SLC7A8: variants seen among roughly 807,000 people sequenced by gnomAD.
The protein encoded by SLC7A8 is solute carrier family 7 member 8.
A neutral mutation model predicts 51.2 loss-of-function variants in SLC7A8; 30 were observed. The observed-to-expected ratio is 0.59, with a 90% CI of 0.44 to 0.80. SLC7A8 has a LOEUF of 0.80. Ranked by LOEUF, SLC7A8 falls within the 30% of genes least tolerant of loss-of-function variation. The pLI, the probability that SLC7A8 is intolerant of heterozygous loss-of-function variation, is 0.00. For synonymous variants in SLC7A8, 257 were observed against 275.8 expected (o/e 0.93, Z 0.67); for missense variants, 612 against 674.4 (o/e 0.91, Z 1.03).
chr14:23,155,276 AGCTGTGAGG>A lies in SLC7A8; in HGVS notation c.508+10000_508+10008del, dbSNP rs558308683. The A allele has an allele frequency of 1.1e-4, 163 of 1,536,140 alleles. No individual in the cohort carries two copies. The African/African-American group carries it at 2.1e-3, about 20-fold the overall frequency. ...CCAGCAGAGGAGGAGGGTGCAGAGA[AGCTGTGAGG>A]GCTGTGAGTGCTCCTGGAGGCACAC... is the stretch of plus-strand genomic sequence containing the variant. On this transcript the variant is annotated intron_variant, in intron 3 of 10. Transcript: ENST00000316902.
chr14:23,178,723 G>A (rs1427957457), intron 1 of SLC7A8, among the ~76,000 whole-genome samples: 1 of 151,018 alleles, frequency 6.6e-6, no homozygotes, highest in Non-Finnish European at 1.5e-5. Context: ...AAGATAGCCT[G>A]GGCAACATAG....
chr14:23,157,363 A>C (rs1422304454), intron 3 of SLC7A8, among the ~76,000 whole-genome samples: 1 of 152,164 alleles, frequency 6.6e-6, no homozygotes, highest in African/African-American at 2.4e-5. Context: ...CTGAATTGTA[A>C]TCATCTTTTC....
At position 23,172,717 on chromosome 14, in the gene SLC7A8, A is replaced by G. The variant is rs556056699; in HGVS notation, c.152-6177T>C. 8.5e-5 allele frequency among the ~76,000 whole-genome samples: 13 copies of G among 152,336 alleles called. No homozygotes were observed. The East Asian group carries it at 9.6e-4, about 11-fold the overall frequency. The stretch of plus-strand genomic sequence containing the variant: ...TCTGGAGACACTTTTGGTTGTCACA[A>G]TGAGGGTGGGAGAGCTACCAGCACC... On this transcript the variant is annotated intron_variant, in intron 1 of 10. Transcript: ENST00000316902.
chr14:23,180,006 A>C (rs1877094142), intron 1 of SLC7A8, among the ~76,000 whole-genome samples: 1 of 151,594 alleles, frequency 6.6e-6, no homozygotes, highest in African/African-American at 2.4e-5. Context: ...TCTGGGTTCA[A>C]GCAATTCTCC....
chr14:23,177,820 C>T (rs1876990008), intron 1 of SLC7A8, among the ~76,000 whole-genome samples: 1 of 152,216 alleles, frequency 6.6e-6, no homozygotes, highest in African/African-American at 2.4e-5. Context: ...GACAGCCCAG[C>T]TCCCCTGCTA....
At chr14:23,136,161 T>C (rs1013896545) in intron 7 of SLC7A8, among the ~76,000 whole-genome samples, 1 of 152,150 alleles carries the variant, frequency 6.6e-6, no homozygotes, top group Non-Finnish European at 1.5e-5. Context: ...TAATCAGAAG[T>C]GTGGGAGCTG....
At position 23,179,518 on chromosome 14, in the gene SLC7A8, A is replaced by G. The variant is rs117035816; in HGVS notation, c.151+3246T>C. 7.8e-4 allele frequency among the ~76,000 whole-genome samples: 118 copies of G among 152,070 alleles called. 5 individuals carry two copies. In the East Asian group the frequency reaches 0.019, roughly 24 times the overall value. On this transcript the variant is annotated intron_variant, in intron 1 of 10. Coordinates refer to ENST00000316902, the MANE Select transcript of SLC7A8 (RefSeq NM_012244.4). Reference sequence around the variant, plus strand: ...TGCCACAGTCCCTGAAAAAAAAAAAAAGATCTGGGGGCCGGGCACGGTGGC... The same window carrying G: ...TGCCACAGTCCCTGAAAAAAAAAAAGAGATCTGGGGGCCGGGCACGGTGGC...
chr14:23,152,730 C>T (rs1055027726), intron 3 of SLC7A8, among the ~76,000 whole-genome samples: 1 of 152,150 alleles, frequency 6.6e-6, no homozygotes, highest in African/African-American at 2.4e-5. Context: ...TTCAGGTGCT[C>T]CCTTGCTTTG....
At chr14:23,132,195 G>T (rs1207243488) in intron 7 of SLC7A8, among the ~76,000 whole-genome samples, 1 of 151,762 alleles carries the variant, frequency 6.6e-6, no homozygotes, top group African/African-American at 2.4e-5. Context: ...GTAGAGACGG[G>T]GTTTCACCAT....
rs572808027 is a variant in SLC7A8 at position 23,170,655 on chromosome 14, C to T, written c.152-4115G>A. ...TGTATTATTAGTAAAGATGGGGTTT[C>T]ACCATGTTGGCCAGGCTGGTCTCGA... On this transcript the variant is annotated intron_variant, in intron 1 of 10. Transcript: ENST00000316902. Among the ~76,000 whole-genome samples the T allele has an allele frequency of 4.6e-5, 7 of 152,170 alleles. No homozygotes were observed. The East Asian group carries it at 1.4e-3, about 29-fold the overall frequency.
rs1255059707 is a variant in SLC7A8 at position 23,141,547 on chromosome 14, T to C, written c.635-923A>G. ...TCACTGCAACCTCCGCCTCCCAGGT[T>C]TAAGTGATTCTCCTGCTTTGGCCTC... On this transcript the variant is annotated intron_variant, in intron 4 of 10. Transcript: ENST00000316902. 2.0e-5 allele frequency among the ~76,000 whole-genome samples: 3 copies of C among 152,312 alleles called. No individual in the cohort carries two copies. The East Asian group carries it at 5.8e-4, about 30-fold the overall frequency.
In SLC7A8 at chr14:23,126,431, T is replaced by A. The variant is rs1325888335; in HGVS notation, c.*746A>T. The stretch of plus-strand genomic sequence containing the variant: ...GCCCACTACCTTAAAAATCAGAAGC[T>A]TTTTGGCTTCTGGAAGCTTTGGCAC... On this transcript the variant is annotated 3_prime_UTR_variant, in exon 11 of 11. Coordinates refer to ENST00000316902, the MANE Select transcript of SLC7A8 (RefSeq NM_012244.4). 4 of 152,938 alleles carry A rather than the reference T, an allele frequency of 2.6e-5. No homozygotes were observed. The highest frequency in any genetic ancestry group is 5.9e-5 in the Non-Finnish European group (4 of 68,162). The allele number at this position is 152,938 out of a possible 1,614,324, so 9.5% of individuals were successfully genotyped here.
intron 3 of SLC7A8, chr14:23,155,190 C>A: frequency 6.5e-7 from 1 of 1,535,928 alleles, no homozygotes; most frequent in Non-Finnish European, 8.7e-7. Context: ...CTCGGAACCC[C>A]CTCCAAAGGA....
At chr14:23,168,236 AC>A (rs1408381367) in intron 1 of SLC7A8, among the ~76,000 whole-genome samples, 4 of 152,156 alleles carry the variant, frequency 2.6e-5, no homozygotes, top group African/African-American at 9.7e-5. Context: ...GGACAACAGG[AC>A]ATCTTTCAGC....
intron 4 of SLC7A8, among the ~76,000 whole-genome samples, chr14:23,141,823 C>G (rs1231459146): frequency 6.6e-6 from 1 of 152,180 alleles, no homozygotes; most frequent in African/African-American, 2.4e-5. Flanking sequence ...GCCTTCCCAG[C>G]CCCCCTAGCA....
intron 1 of SLC7A8, among the ~76,000 whole-genome samples, chr14:23,180,888 G>A (rs941443244): frequency 4.1e-4 from 62 of 152,222 alleles, no homozygotes; most frequent in African/African-American, 1.3e-3. Context: ...TTAGCAGGGC[G>A]TGGTGGTGGG....
chr14:23,157,645 C>T (rs988550875), intron 3 of SLC7A8, among the ~76,000 whole-genome samples: 4 of 152,178 alleles, frequency 2.6e-5, no homozygotes, highest in Non-Finnish European at 5.9e-5. Flanking sequence ...TGTCCTCAGA[C>T]CTTGACACAT....
Position 23,152,921 on chromosome 14 carries a change from C to T in SLC7A8, c.509-9717G>A, listed in dbSNP as rs529629509. Among the ~76,000 whole-genome samples, 37 of 152,266 alleles carry T rather than the reference C, an allele frequency of 2.4e-4. No individual in the cohort carries two copies. The South Asian group carries it at 7.3e-3, about 30-fold the overall frequency. ...TGACAGGGTAAAGGTTGGGATAGGG[C>T]CACCTGGATACGGGGCTGGATTGGT... On this transcript the variant is annotated intron_variant, in intron 3 of 10. Coordinates refer to ENST00000316902, the MANE Select transcript of SLC7A8 (RefSeq NM_012244.4).
chr14:23,148,890 G>GT (rs1451579151), intron 3 of SLC7A8, among the ~76,000 whole-genome samples: 1 of 152,198 alleles, frequency 6.6e-6, no homozygotes, highest in African/African-American at 2.4e-5. Context: ...GTGGTTACTT[G>GT]TAACAGTAGC....
Sources: gnomAD v4.1 joint callset for allele counts (sites outside exome capture counted in the v4.1 genomes callset) on GRCh38, gnomAD v4.1.1 for gene constraint, MANE v1.5 for transcripts, NCBI Gene and HGNC (gene_info 2026-07-23, HGNC 2026-07-21) for gene names.